Variants in ACAN observed in about 807,000 individuals in gnomAD.
ACAN encodes the protein aggrecan core protein.
Under a neutral mutation model 169.1 loss-of-function variants are expected in ACAN, and 47 were observed. The ratio of observed to expected loss-of-function variants is 0.28; its 90% CI spans 0.22 to 0.35. ACAN has a LOEUF of 0.35. Among genes scored for constraint, ACAN ranks in the 10% least tolerant of loss-of-function variants. The pLI is 1.00. For synonymous variants in ACAN, 1,115 were observed against 1,112.2 expected, an observed-to-expected ratio of 1.00 and a Z score of -0.05; for missense variants, 2,716 against 2,759.9, an observed-to-expected ratio of 0.98 and a Z score of 0.36.
intron 13 of ACAN, among the ~76,000 whole-genome samples, chr15:88,865,669 T>G (rs1897268230): frequency 6.6e-6 from 1 of 152,214 alleles, no homozygotes. Context: ...TCCCTCCACT[T>G]GCAAGCTCCT....
intron 13 of ACAN, among the ~76,000 whole-genome samples, chr15:88,860,752 G>C (rs762154444): frequency 2.0e-5 from 3 of 152,170 alleles, no homozygotes; most frequent in Admixed American, 1.3e-4. Context: ...AAGAAATATC[G>C]AGCATGGGGT....
intron 1 of ACAN, among the ~76,000 whole-genome samples, chr15:88,834,840 C>G (rs1896461676): frequency 6.6e-6 from 1 of 152,164 alleles, no homozygotes; most frequent in Non-Finnish European, 1.5e-5. Flanking sequence ...ATCCTGAGGT[C>G]CAGGCTGAAG....
Position 88,858,373 on chromosome 15 carries a change from A to G in ACAN, c.5788A>G (p.Ser1930Gly), listed in dbSNP as rs1007684024. 6.2e-7 allele frequency: 1 copy of G among 1,613,780 alleles called. No homozygotes were observed. Among genetic ancestry groups the G allele is most frequent in the African/African-American group, 1.3e-5 (1 of 74,916 alleles). The change falls in exon 12 of 19, where the codon AGT becomes GGT. Residue 1930 changes from serine (S) to glycine (G), a missense_variant. This residue lies in a region of ACAN where 1,389 missense variants were observed against 1,363.7 expected (regional missense o/e 1.02). Coordinates refer to ENST00000560601, the MANE Select transcript of ACAN (RefSeq NM_001369268.1). The surrounding 1 kb of genome is among the most constrained non-coding windows in gnomAD (Gnocchi z 4.0). ...ATATTATGGCAGTGGAACTCCATCTAGTTTCCCCACTGTCTCTCTTGTAGA... is the reference window on the plus strand; with the variant it reads ...ATATTATGGCAGTGGAACTCCATCTGGTTTCCCCACTGTCTCTCTTGTAGA... ...GAYYGSGTPS[S>G]FPTVSLVDRT...
intron 1 of ACAN, among the ~76,000 whole-genome samples, chr15:88,804,343 TA>T (rs1895622340): frequency 1.3e-5 from 2 of 152,150 alleles, no homozygotes; most frequent in South Asian, 4.1e-4. Flanking sequence ...AAGCCGAGGC[TA>T]GATAGTCCAT....
intron 2 of ACAN, among the ~76,000 whole-genome samples, chr15:88,836,858 C>G (rs1233557281): frequency 6.6e-6 from 1 of 152,176 alleles, no homozygotes; most frequent in Non-Finnish European, 1.5e-5. Flanking sequence ...TGGGCTTGAC[C>G]CCAGAAGGGA....
In ACAN at chr15:88,843,146, C is replaced by G. The variant is rs1896706691; in HGVS notation, c.758-209C>G. 6.6e-6 allele frequency among the ~76,000 whole-genome samples: 1 copy of G among 152,166 alleles called. No homozygotes were observed. The highest frequency in any genetic ancestry group is 1.5e-5 in the Non-Finnish European group (1 of 68,032). On this transcript the variant is annotated intron_variant, in intron 5 of 18. Coordinates refer to ENST00000560601, the MANE Select transcript of ACAN (RefSeq NM_001369268.1). The surrounding 1 kb of genome is among the most constrained non-coding windows in gnomAD (Gnocchi z 4.0). ...CCACTTTTGCTGCTTCTTTCTTGGT[C>G]CCCTTGTTTTAGGAAATTGATGTCA...
At position 88,853,758 on chromosome 15, in the gene ACAN, ATACATACATACATACATACATACATACG is replaced by A. The variant is rs1896984313; in HGVS notation, c.2267-1078_2267-1051del. On this transcript the variant is annotated intron_variant, in intron 11 of 18. Transcript: ENST00000560601. ...AGATGATAGATAGATAGATAGATACATACATACATACATACATACATACATACGTACATACATACATACCTATCAAAAT... is the reference window on the plus strand; with the variant it reads ...AGATGATAGATAGATAGATAGATACATACATACATACATACCTATCAAAAT... Among the ~76,000 whole-genome samples the A allele has an allele frequency of 9.0e-5, 3 of 33,204 alleles. No individual in the cohort carries two copies. The South Asian group carries it at 1.7e-3, about 19-fold the overall frequency. 21.8% of individuals were successfully genotyped at this position (33,204 alleles called of 152,430 possible).
At chr15:88,827,712 G>A (rs1896259471) in intron 1 of ACAN, among the ~76,000 whole-genome samples, 1 of 152,228 alleles carries the variant, frequency 6.6e-6, no homozygotes. Context: ...CCTCAGTGAG[G>A]GAGGAACCAG....
rs1897321741 is a variant in ACAN at position 88,868,783 on chromosome 15, G to A, written c.7060+454G>A. Among the ~76,000 whole-genome samples, 1 of 152,198 alleles carries A rather than the reference G, an allele frequency of 6.6e-6. No homozygotes were observed. Among genetic ancestry groups the A allele is most frequent in the Non-Finnish European group, 1.5e-5 (1 of 68,040 alleles). On this transcript the variant is annotated intron_variant, in intron 14 of 18. Coordinates refer to ENST00000560601, the MANE Select transcript of ACAN (RefSeq NM_001369268.1). The surrounding 1 kb of genome is among the most constrained non-coding windows in gnomAD (Gnocchi z 5.2). ...GCCACTGTGCCACATTGGCCAAGCT[G>A]CCTTTCTCTTCTCCTGGGGCAAGAG...
chr15:88,804,190 G>T (rs1048551485), intron 1 of ACAN, among the ~76,000 whole-genome samples: 1 of 152,194 alleles, frequency 6.6e-6, no homozygotes, highest in Non-Finnish European at 1.5e-5. Flanking sequence ...AATCCCCGAG[G>T]TGCTACTTTT....
chr15:88,872,054 G>C lies in ACAN; in HGVS notation c.7271G>C (p.Gly2424Ala), dbSNP rs374842225. Residue 2424 changes from glycine (G) to alanine (A), a missense_variant, in exon 16 of 19, where the codon GGG becomes GCG. Transcript: ENST00000560601. This position sits in a 1 kb window ranked among gnomAD's most constrained non-coding sequence, Gnocchi z 5.4. ...GGCCTGAACGACAGGACCATCGAAG[G>C]GGACTTCCGCTGGTCAGATGGACAC... ...WIGLNDRTIE[G>A]DFRWSDGHPM... 4 of 1,613,844 alleles carry C rather than the reference G, an allele frequency of 2.5e-6. No homozygotes were observed. The African/African-American group carries it at 5.3e-5, about 22-fold the overall frequency.
chr15:88,817,924 C>G (rs1895983357), intron 1 of ACAN, among the ~76,000 whole-genome samples: 2 of 150,902 alleles, frequency 1.3e-5, no homozygotes, highest in Admixed American at 1.3e-4. Flanking sequence ...ATAGACTTAC[C>G]ACCCAAAGAT....
intron 5 of ACAN, 121 bp downstream of exon 5, chr15:88,841,988 GTCC>G: frequency 7.5e-7 from 1 of 1,333,716 alleles, no homozygotes; most frequent in Non-Finnish European, 1.0e-6. Flanking sequence ...GACACACTCT[GTCC>G]TCCTCTGCCA....
At chr15:88,810,034 T>C (rs1895779878) in intron 1 of ACAN, among the ~76,000 whole-genome samples, 1 of 152,154 alleles carries the variant, frequency 6.6e-6, no homozygotes, top group Non-Finnish European at 1.5e-5. Context: ...CATGAAACAC[T>C]GGAGCAGAAA....
At chr15:88,815,078 G>GA (rs1171105817) in intron 1 of ACAN, among the ~76,000 whole-genome samples, 5 of 151,830 alleles carry the variant, frequency 3.3e-5, no homozygotes, top group African/African-American at 4.8e-5. Context: ...CAGAAATCCG[G>GA]AAAAAACATT....
rs542484152 is a variant in ACAN at position 88,860,221 on chromosome 15, C to A, written c.6833-105C>A. 1.8e-5 allele frequency: 13 copies of A among 742,514 alleles called. No individual in the cohort carries two copies. In the Admixed American group the frequency reaches 2.3e-4, roughly 13 times the overall value. 46.0% of individuals were successfully genotyped at this position (742,514 alleles called of 1,614,324 possible). Reference sequence around the variant, plus strand: ...CAGAAAAGTGCTGACCCAAAGCCAGCCTCGTGGACTTCAGGAACCTCATGC... The same window carrying A: ...CAGAAAAGTGCTGACCCAAAGCCAGACTCGTGGACTTCAGGAACCTCATGC... On this transcript the variant is annotated intron_variant, in intron 12 of 18. Coordinates refer to ENST00000560601, the MANE Select transcript of ACAN (RefSeq NM_001369268.1).
chr15:88,874,196 C>G lies in ACAN; in HGVS notation c.7630+172C>G. 1 of 1,046,386 alleles carries G rather than the reference C, an allele frequency of 9.6e-7. No individual in the cohort carries two copies. The highest frequency in any genetic ancestry group is 1.4e-6 in the Non-Finnish European group (1 of 701,258). The allele number at this position is 1,046,386 out of a possible 1,614,324, so 64.8% of individuals were successfully genotyped here. A position where few individuals can be genotyped will look rare whatever the true frequency, so the allele number is the denominator to read the frequency against. On this transcript the variant is annotated intron_variant, in intron 18 of 18. Coordinates refer to ENST00000560601, the MANE Select transcript of ACAN (RefSeq NM_001369268.1). The surrounding 1 kb of genome is among the most constrained non-coding windows in gnomAD (Gnocchi z 7.3). ...CTGACCACTGCCCTTAGAAGGGCCA[C>G]GTACTTGTCCCAGGAGAGGGCTCAC...
At chr15:88,845,284 C>A (rs1896764042) in intron 6 of ACAN, among the ~76,000 whole-genome samples, 1 of 152,194 alleles carries the variant, frequency 6.6e-6, no homozygotes. Flanking sequence ...CCTCTGATAG[C>A]TCTTGCACTC....
rs767282224 is a variant in ACAN, at chr15:88,849,391, G to A, written c.1733-47G>A. On this transcript the variant is annotated intron_variant, in intron 9 of 18. Coordinates refer to ENST00000560601, the MANE Select transcript of ACAN (RefSeq NM_001369268.1). The surrounding 1 kb of genome is among the most constrained non-coding windows in gnomAD (Gnocchi z 5.1). ...TCCTGGGTGGGCAGGGATGGACCTG[G>A]CCTGAGTGTGGGGGGGTCATATTCT... is the stretch of plus-strand genomic sequence containing the variant. The A allele has an allele frequency of 6.7e-7, 1 of 1,501,996 alleles. No individual in the cohort carries two copies. Among genetic ancestry groups the A allele is most frequent in the Non-Finnish European group, 8.9e-7 (1 of 1,121,204 alleles). 93.0% of individuals were successfully genotyped at this position (1,501,996 alleles called of 1,614,324 possible).
Sources: allele counts gnomAD v4.1 joint callset (sites outside exome capture counted in the v4.1 genomes callset), GRCh38; gene constraint gnomAD v4.1.1; regional missense constraint gnomAD v4.1.1; non-coding constraint Gnocchi (gnomAD v3.1); transcripts MANE v1.5; gene names NCBI Gene and HGNC (gene_info 2026-07-23, HGNC 2026-07-21).